Variants in SPATS1 observed in about 807,000 individuals in gnomAD.
SPATS1 encodes the protein spermatogenesis associated serine rich 1.
A neutral mutation model predicts 33.6 loss-of-function variants in SPATS1; 23 were observed. The ratio of observed to expected loss-of-function variants is 0.68; its 90% CI spans 0.49 to 0.97. The LOEUF is 0.97. SPATS1 is among the 50% of genes least tolerant of loss of function. The pLI is 0.00. For synonymous variants in SPATS1, 131 were observed against 125.6 expected (o/e 1.04, Z -0.29); for missense variants, 327 against 361.0 (o/e 0.91, Z 0.76).
At chr6:44,354,705 C>T (rs144210967) in intron 3 of SPATS1, among the ~76,000 whole-genome samples, 1 of 152,336 alleles carries the variant, frequency 6.6e-6, no homozygotes, top group African/African-American at 2.4e-5. Flanking sequence ...ATGGATACAT[C>T]ATAATCACCC....
chr6:44,364,711 A>G (rs1359659310), intron 5 of SPATS1, among the ~76,000 whole-genome samples: 4 of 129,620 alleles, frequency 3.1e-5, no homozygotes, highest in African/African-American at 1.2e-4. Flanking sequence ...TTCTCTCCCC[A>G]CTCTTTCTTT....
rs756897144 is a variant in SPATS1, at chr6:44,370,049, A to G, written c.696-2A>G. 11 of 1,610,462 alleles carry G rather than the reference A, an allele frequency of 6.8e-6. No individual in the cohort carries two copies. The highest frequency in any genetic ancestry group is 9.3e-6 in the Non-Finnish European group (11 of 1,177,352). On this transcript the variant is annotated splice_acceptor_variant, in intron 6 of 8. Transcript: ENST00000674044. LOFTEE classifies it high-confidence loss of function. ...TTTATGATTGCCTTTTCTGTTTTTC[A>G]GAGTGCCTTATGAAAAGAAATTTGA...
At chr6:44,344,284 T>G (rs191485973) in intron 2 of SPATS1, among the ~76,000 whole-genome samples, 1 of 152,246 alleles carries the variant, frequency 6.6e-6, no homozygotes, top group East Asian at 1.9e-4. Flanking sequence ...TGGTGTCCTT[T>G]CCTGCTGTGT....
At chr6:44,368,558 A>G (rs958499851) in intron 6 of SPATS1, 59 bp downstream of exon 6, 3 of 1,484,838 alleles carry the variant, frequency 2.0e-6, no homozygotes, top group African/African-American at 2.8e-5. Flanking sequence ...GTGTCTCTCT[A>G]CTACACAGAA....
rs747434268 is a variant in SPATS1, at chr6:44,377,114, T to C, written c.*51T>C. On this transcript the variant is annotated 3_prime_UTR_variant, in exon 9 of 9. Transcript: ENST00000674044. ...GCTGACTGCACTCTGGCGACCCTTT[T>C]CCAGTTGATGTTTTTTGTCATGTGA... The C allele has an allele frequency of 6.2e-7, 1 of 1,609,158 alleles. No homozygotes were observed. The highest frequency in any genetic ancestry group is 1.3e-5 in the African/African-American group (1 of 74,946).
rs115039718 is a variant in SPATS1 at position 44,361,402 on chromosome 6, T to C, written c.413-429T>C. The C allele has an allele frequency of 1.5e-3, 1,515 of 985,436 alleles. 13 individuals are homozygous for C. The African/African-American group carries it at 0.024, about 15-fold the overall frequency. The allele number at this position is 985,436 out of a possible 1,614,324, so 61.0% of individuals were successfully genotyped here. A position where few individuals can be genotyped will look rare whatever the true frequency, so the allele number is the denominator to read the frequency against. On this transcript the variant is annotated intron_variant, in intron 4 of 8. Transcript: ENST00000674044. ...CGTGCTATTGTTGCAGCCAACACCA[T>C]GTTTCCTCCACTTGAGGTGCCATGT... is the stretch of plus-strand genomic sequence containing the variant.
chr6:44,361,818 T>C lies in SPATS1; in HGVS notation c.413-13T>C, dbSNP rs750363600. 5.4e-5 allele frequency: 87 copies of C among 1,614,124 alleles called. No homozygotes were observed. The South Asian group carries it at 9.6e-4, about 18-fold the overall frequency. On this transcript the variant is annotated splice_polypyrimidine_tract_variant and intron_variant, in intron 4 of 8. Coordinates refer to ENST00000674044, the MANE Select transcript of SPATS1 (RefSeq NM_001372081.1). Reference sequence around the variant, plus strand: ...GGAACAGTGCTAATGGAAGGCTTTCTGGTGTATTGCAGAAGATGGGCATCG... The same window carrying C: ...GGAACAGTGCTAATGGAAGGCTTTCCGGTGTATTGCAGAAGATGGGCATCG...
Position 44,352,377 on chromosome 6 carries a change from C to T in SPATS1, c.140-349C>T, listed in dbSNP as rs190227896. The stretch of plus-strand genomic sequence containing the variant: ...CTCCTGACCTCAAGTCAGGGTGGAT[C>T]TTATCTGATCCACCCACCTTGGCCT... On this transcript the variant is annotated intron_variant, in intron 2 of 8. Transcript: ENST00000674044. 3.1e-4 allele frequency among the ~76,000 whole-genome samples: 47 copies of T among 152,148 alleles called. No homozygotes were observed. The East Asian group carries it at 8.1e-3, about 26-fold the overall frequency.
intron 5 of SPATS1, among the ~76,000 whole-genome samples, chr6:44,365,336 A>C (rs1242658934): frequency 2.0e-5 from 3 of 152,178 alleles, no homozygotes; most frequent in African/African-American, 7.2e-5. Context: ...CTGAAAATAC[A>C]ATTTTCTATT....
At chr6:44,348,151 G>C (rs1788015913) in intron 2 of SPATS1, among the ~76,000 whole-genome samples, 1 of 152,028 alleles carries the variant, frequency 6.6e-6, no homozygotes. Flanking sequence ...GGGGATTACA[G>C]GCGTGCACCA....
At chr6:44,360,805 T>C (rs2153367631) in intron 4 of SPATS1, among the ~76,000 whole-genome samples, 1 of 152,314 alleles carries the variant, frequency 6.6e-6, no homozygotes, top group South Asian at 2.1e-4. Context: ...TAGAAGTATA[T>C]AGAGTATAAA....
chr6:44,345,861 T>C (rs1787846709), intron 2 of SPATS1, among the ~76,000 whole-genome samples: 1 of 152,152 alleles, frequency 6.6e-6, no homozygotes, highest in Admixed American at 6.5e-5. Context: ...TATGGCCAAA[T>C]TGCTCTTCAG....
Position 44,343,107 on chromosome 6 carries a change from C to T in SPATS1, c.12C>T (p.Ser4=), listed in dbSNP as rs1435129994. MSP[S]MLTGNSPRGC... is the part of the protein sequence containing the mutation. ...CATCATGGGCACAGATGAGTCCATC[C>T]ATGCTCACTGGAAACAGTCCACGGG... The change falls in exon 2 of 9, where the codon TCC becomes TCT. Residue 4 remains serine (S), a synonymous_variant. Transcript: ENST00000674044. The T allele has an allele frequency of 1.2e-6, 2 of 1,614,148 alleles. No individual in the cohort carries two copies. The highest frequency in any genetic ancestry group is 3.3e-5 in the Admixed American group (2 of 60,024).
At position 44,349,716 on chromosome 6, in the gene SPATS1, T is replaced by C. The variant is rs1243579425; in HGVS notation, c.140-3010T>C. On this transcript the variant is annotated intron_variant, in intron 2 of 8. Coordinates refer to ENST00000674044, the MANE Select transcript of SPATS1 (RefSeq NM_001372081.1). Reference sequence around the variant, plus strand: ...GGCCCCAGATTTCTAATTACTGCTTTAGTTGAATCCCACAAGTTTTGATAT... The same window carrying C: ...GGCCCCAGATTTCTAATTACTGCTTCAGTTGAATCCCACAAGTTTTGATAT... Among the ~76,000 whole-genome samples the C allele has an allele frequency of 3.9e-5, 6 of 152,340 alleles. No individual in the cohort carries two copies. The East Asian group carries it at 1.2e-3, about 29-fold the overall frequency.
In SPATS1 at chr6:44,376,462, T is replaced by G. The variant is rs1366962365; in HGVS notation, c.863T>G (p.Leu288Arg). Residue 288 changes from leucine to arginine, a missense_variant, in exon 8 of 9, where the codon CTA becomes CGA. Physicochemically the swap from Leu to Arg is moderately radical, Grantham distance 102 (BLOSUM62 -2). Coordinates refer to ENST00000674044, the MANE Select transcript of SPATS1 (RefSeq NM_001372081.1). ...CCAGCAGTGCCCTTAATGCACATGC[T>G]ACACCTTTCTGGTGGGTTAAAGAAA... The part of the protein sequence containing the change: ...WQPAVPLMHM[L>R]HLSGALDFPR... The G allele has an allele frequency of 3.7e-6, 6 of 1,606,362 alleles. No homozygotes were observed. Among genetic ancestry groups the G allele is most frequent in the Non-Finnish European group, 8.5e-7 (1 of 1,176,054 alleles).
intron 7 of SPATS1, among the ~76,000 whole-genome samples, chr6:44,375,577 A>G (rs559663801): frequency 6.6e-6 from 1 of 152,314 alleles, no homozygotes; most frequent in East Asian, 1.9e-4. Context: ...TGGGAGGCCA[A>G]GGTGGGAGGA....
In SPATS1 at chr6:44,377,221, C is replaced by T; in HGVS notation, c.*158C>T. 1 of 815,748 alleles carries T rather than the reference C, an allele frequency of 1.2e-6. No individual in the cohort carries two copies. The highest frequency in any genetic ancestry group is 1.9e-6 in the Non-Finnish European group (1 of 516,220). 50.5% of individuals were successfully genotyped at this position (815,748 alleles called of 1,614,324 possible). A position where few individuals can be genotyped will look rare whatever the true frequency, so the allele number is the denominator to read the frequency against. On this transcript the variant is annotated 3_prime_UTR_variant, in exon 9 of 9. Transcript: ENST00000674044. ...AAACTTTATATTTTGAAAACTTTCA[C>T]ATTTACATAAAAGTTGCAAGAATTG... is the stretch of plus-strand genomic sequence containing the variant.
rs138939392 is a variant in SPATS1, at chr6:44,361,484, T to C, written c.413-347T>C. 3.3e-4 allele frequency: 324 copies of C among 985,476 alleles called. 1 individual carries two copies. In the African/African-American group the frequency reaches 4.9e-3, roughly 15 times the overall value. 61.0% of individuals were successfully genotyped at this position (985,476 alleles called of 1,614,324 possible). A position where few individuals can be genotyped will look rare whatever the true frequency, so the allele number is the denominator to read the frequency against. On this transcript the variant is annotated intron_variant, in intron 4 of 8. Transcript: ENST00000674044. The stretch of plus-strand genomic sequence containing the variant: ...ATGGCATTCTATTTTTCCTACACCG[T>C]TATCAGAGTGAAGATTGTATCACAG...
At chr6:44,344,389 A>ATGTGTGTGTGTG (rs200916956) in intron 2 of SPATS1, among the ~76,000 whole-genome samples, 20 of 124,698 alleles carry the variant, frequency 1.6e-4, no homozygotes, top group East Asian at 2.3e-4. Flanking sequence ...AATTGAAGAT[A>ATGTGTGTGTGTG]CGTGTGTGTG....
Sources: gnomAD v4.1 joint callset for allele counts (sites outside exome capture counted in the v4.1 genomes callset) on GRCh38, gnomAD v4.1.1 for gene constraint, MANE v1.5 for transcripts, NCBI Gene and HGNC (gene_info 2026-07-23, HGNC 2026-07-21) for gene names.